The following KDM5B variants were observed in gnomAD, a reference collection of about 807,000 sequenced individuals.
KDM5B encodes lysine demethylase 5B.
Under a neutral mutation model 193.4 loss-of-function variants are expected in KDM5B, and 144 were observed. The observed-to-expected ratio is 0.74, with a 90% CI of 0.65 to 0.86. The LOEUF is 0.86. Ranked by LOEUF, KDM5B falls within the 40% of genes least tolerant of loss-of-function variation. KDM5B has a pLI of 0.00. For missense variants in KDM5B, 1,833 were observed against 1,886.9 expected, an observed-to-expected ratio of 0.97 and a Z score of 0.53; for synonymous variants, 668 against 682.6, an observed-to-expected ratio of 0.98 and a Z score of 0.33.
intron 1 of KDM5B, among the ~76,000 whole-genome samples, chr1:202,778,758 G>C (rs561062154): frequency 2.4e-4 from 36 of 152,238 alleles, no homozygotes; most frequent in Non-Finnish European, 4.6e-4. Context: ...GAGTAGCTGG[G>C]ATTACAGGCA....
chr1:202,726,854 A>T lies in KDM5B; in HGVS notation c.*2182T>A, dbSNP rs183935064. The T allele has an allele frequency of 2.6e-5, 4 of 152,388 alleles. No homozygotes were observed. In the East Asian group the frequency reaches 7.7e-4, roughly 29 times the overall value. The allele number at this position is 152,388 out of a possible 1,614,324, so 9.4% of individuals were successfully genotyped here. On this transcript the variant is annotated 3_prime_UTR_variant, in exon 27 of 27. Transcript: ENST00000367265. ...AGGAATACTGTAGGAAAACTGGAAG[A>T]TAAAACCCAGGCTTTGTTATTTACT...
chr1:202,770,185 T>TA (rs1244773755), intron 4 of KDM5B, among the ~76,000 whole-genome samples: 2 of 152,204 alleles, frequency 1.3e-5, no homozygotes, highest in African/African-American at 4.8e-5. Context: ...CTAATGTTAT[T>TA]AACATACAGA....
intron 6 of KDM5B, among the ~76,000 whole-genome samples, chr1:202,763,587 G>T (rs1656334826): frequency 6.6e-6 from 1 of 152,026 alleles, no homozygotes; most frequent in South Asian, 2.1e-4. Context: ...TCTCTTAAAA[G>T]AATCTCAAAT....
intron 1 of KDM5B, among the ~76,000 whole-genome samples, chr1:202,789,456 G>C (rs904495569): frequency 3.3e-5 from 5 of 149,774 alleles, no homozygotes; most frequent in African/African-American, 1.2e-4. Context: ...AGGAGGCAGA[G>C]GTTGCAAAGT....
chr1:202,756,591 T>C, intron 9 of KDM5B, 75 bp from the exon 10 acceptor site: 1 of 1,160,066 alleles, frequency 8.6e-7, no homozygotes, highest in Non-Finnish European at 1.2e-6. Context: ...GTGATGGGAA[T>C]CAAAGAACAG....
At chr1:202,754,269 A>G (rs1346015659) in intron 11 of KDM5B, among the ~76,000 whole-genome samples, 1 of 152,200 alleles carries the variant, frequency 6.6e-6, no homozygotes. Flanking sequence ...AATTCTATAC[A>G]TATATATGCC....
At chr1:202,787,853 A>T (rs1003148923) in intron 1 of KDM5B, among the ~76,000 whole-genome samples, 1 of 151,790 alleles carries the variant, frequency 6.6e-6, no homozygotes, top group Non-Finnish European at 1.5e-5. Flanking sequence ...TCACACCACC[A>T]TTGCACTCCA....
Position 202,808,350 on chromosome 1 carries a change from C to T in KDM5B, c.-45G>A, listed in dbSNP as rs768542615. 7 of 1,493,066 alleles carry T rather than the reference C, an allele frequency of 4.7e-6. No individual in the cohort carries two copies. The East Asian group carries it at 1.2e-4, about 26-fold the overall frequency. 92.5% of individuals were successfully genotyped at this position (1,493,066 alleles called of 1,614,324 possible). A position where few individuals can be genotyped will look rare whatever the true frequency, so the allele number is the denominator to read the frequency against. The stretch of plus-strand genomic sequence containing the variant: ...GCGAGGCGAAGGTGGGCTCCGGGAC[C>T]GAGGCTGCGAGCTCCGCTCGGTCCG... On this transcript the variant is annotated 5_prime_UTR_variant, in exon 1 of 27. Coordinates refer to ENST00000367265, the MANE Select transcript of KDM5B (RefSeq NM_006618.5).
At chr1:202,739,460 T>C (rs947387800) in intron 20 of KDM5B, among the ~76,000 whole-genome samples, 2 of 151,970 alleles carry the variant, frequency 1.3e-5, no homozygotes, top group African/African-American at 4.8e-5. Flanking sequence ...TTTTGCCTTT[T>C]TTATTTTTAT....
chr1:202,736,540 C>T, intron 20 of KDM5B, 148 bp from the exon 21 acceptor site: 1 of 475,738 alleles, frequency 2.1e-6, no homozygotes, highest in Non-Finnish European at 3.6e-6. Flanking sequence ...ACTAACCTGC[C>T]AGCTGACCAA....
intron 1 of KDM5B, among the ~76,000 whole-genome samples, chr1:202,781,780 T>TC (rs1657206926): frequency 6.6e-6 from 1 of 152,220 alleles, no homozygotes; most frequent in African/African-American, 2.4e-5. Flanking sequence ...AAATAATGTG[T>TC]CAGAATATAG....
chr1:202,741,498 C>T lies in KDM5B; in HGVS notation c.2814G>A (p.Met938Ile). The change falls in exon 19 of 27, where the codon ATG becomes ATA. Residue 938 changes from methionine (M) to isoleucine (I), a missense_variant. Met to Ile is a conservative substitution (Grantham distance 10, BLOSUM62 1). Around this residue, in one of 3 missense-constraint regions of KDM5B, gnomAD observed 1,379 missense variants for 1,349.6 expected, o/e 1.02. Transcript: ENST00000367265. ...CTACCCCTAGGTCTATGAGACGTCT[C>T]ATATCATCTAAAGTAAGGGAGCTGG... ...LDPSSLTLDD[M>I]RRLIDLGVGL... 1 of 1,614,230 alleles carries T rather than the reference C, an allele frequency of 6.2e-7. No individual in the cohort carries two copies. Among genetic ancestry groups the T allele is most frequent in the Non-Finnish European group, 8.5e-7 (1 of 1,180,042 alleles).
chr1:202,743,657 CAG>C (rs1655440753), intron 16 of KDM5B, among the ~76,000 whole-genome samples: 1 of 152,094 alleles, frequency 6.6e-6, no homozygotes, highest in Non-Finnish European at 1.5e-5. Flanking sequence ...CACAGACTAA[CAG>C]AACAGAATAG....
chr1:202,764,096 T>C lies in KDM5B; in HGVS notation c.761A>G (p.His254Arg). 6.3e-7 allele frequency: 1 copy of C among 1,590,792 alleles called. No homozygotes were observed. The highest frequency in any genetic ancestry group is 1.2e-5 in the South Asian group (1 of 85,914). Reference protein sequence around the residue: ...EPEETTEARTHNLRRRMGCPT... With the variant: ...EPEETTEARTRNLRRRMGCPT... Reference sequence around the variant, plus strand: ...ACAACCCATTCGACGTCTCAGATTATGAGTTCTGGCTTCCGTTGTCTCCTC... The same window carrying C: ...ACAACCCATTCGACGTCTCAGATTACGAGTTCTGGCTTCCGTTGTCTCCTC... The change falls in exon 6 of 27, where the codon CAT (histidine) becomes CGT (arginine). Residue 254 changes from histidine (H) to arginine (R), a missense_variant. His to Arg is a conservative substitution (Grantham distance 29). Coordinates refer to ENST00000367265, the MANE Select transcript of KDM5B (RefSeq NM_006618.5).
Position 202,741,571 on chromosome 1 carries a change from A to G in KDM5B, c.2741T>C (p.Leu914Ser). 1 of 1,614,260 alleles carries G rather than the reference A, an allele frequency of 6.2e-7. No individual in the cohort carries two copies. Among genetic ancestry groups the G allele is most frequent in the Non-Finnish European group, 8.5e-7 (1 of 1,180,046 alleles). ...LPQLAEMRIR[L>S]EQARWLEEVQ... Reference sequence around the variant, plus strand: ...CTCTTCTAGCCAACGGGCTTGTTCCAAACGGATACGCATCTCAGCAAGCTG... The same window carrying G: ...CTCTTCTAGCCAACGGGCTTGTTCCGAACGGATACGCATCTCAGCAAGCTG... Residue 914 changes from leucine to serine, a missense_variant, in exon 19 of 27, where the codon TTG (leucine) becomes TCG (serine). Leu to Ser is a moderately radical substitution (Grantham distance 145). This residue lies in a region of KDM5B where 1,379 missense variants were observed against 1,349.6 expected (regional missense o/e 1.02). Transcript: ENST00000367265.
chr1:202,734,352 T>C (rs949048068), intron 22 of KDM5B, among the ~76,000 whole-genome samples: 9 of 135,348 alleles, frequency 6.6e-5, no homozygotes, highest in African/African-American at 2.5e-4. Context: ...TTGGGTATAT[T>C]AAAAAAAAAA....
At chr1:202,766,591 T>A in intron 5 of KDM5B, 1 of 433,018 alleles carries the variant, frequency 2.3e-6, no homozygotes, top group East Asian at 6.2e-5. Flanking sequence ...CTTCATGTTT[T>A]CTAGCCTTAA....
chr1:202,736,181 A>C (rs751906653), intron 21 of KDM5B, 32 bp downstream of exon 21: 7 of 1,460,832 alleles, frequency 4.8e-6, no homozygotes, highest in Non-Finnish European at 6.4e-6. Flanking sequence ...AGGAGATCTA[A>C]GGTCTTGCAG....
intron 7 of KDM5B, 84 bp downstream of exon 7, chr1:202,762,615 T>A: frequency 1.3e-6 from 1 of 782,718 alleles, no homozygotes; most frequent in Non-Finnish European, 2.2e-6. Context: ...AATTTAAGTT[T>A]AAACTTGGGG....
Sources: gnomAD v4.1 joint callset for allele counts (sites outside exome capture counted in the v4.1 genomes callset) on GRCh38, gnomAD v4.1.1 for gene constraint, gnomAD v4.1.1 regional missense constraint, MANE v1.5 for transcripts, NCBI Gene and HGNC (gene_info 2026-07-23, HGNC 2026-07-21) for gene names.